Variants in TJP2 observed in about 807,000 individuals in gnomAD.
TJP2 encodes tight junction protein 2, also known as Friedreich ataxia region gene X104 (tight junction protein ZO-2).
Under a neutral mutation model 133.1 loss-of-function variants are expected in TJP2, and 91 were observed. The ratio of observed to expected loss-of-function variants is 0.68; its 90% confidence interval spans 0.58 to 0.81. The LOEUF (loss-of-function observed/expected upper bound fraction) is 0.81, where lower values mean the gene tolerates loss of function less well. TJP2 is among the 40% of genes least tolerant of loss of function. The pLI, the probability that TJP2 is intolerant of heterozygous loss-of-function variation, is 0.00. For missense variants in TJP2, 1,541 were observed against 1,565.6 expected, an observed-to-expected ratio of 0.98 and a Z score of 0.26; for synonymous variants, 592 against 583.4, an observed-to-expected ratio of 1.01 and a Z score of -0.21.
chr9:69,166,814 G>A (rs1824382125), intron 2 of TJP2, among the ~76,000 whole-genome samples: 1 of 152,216 alleles, frequency 6.6e-6, no homozygotes, highest in African/African-American at 2.4e-5. Flanking sequence ...GCATGGGCCT[G>A]TAGTCCCAGC....
intron 11 of TJP2, among the ~76,000 whole-genome samples, chr9:69,232,788 A>AG (rs1829885231): frequency 6.6e-6 from 1 of 152,250 alleles, no homozygotes; most frequent in African/African-American, 2.4e-5. Context: ...GATGGAAAAG[A>AG]GAAAAAAGAC....
chr9:69,227,235 G>A (rs1829421057), intron 7 of TJP2, among the ~76,000 whole-genome samples: 1 of 152,042 alleles, frequency 6.6e-6, no homozygotes. Flanking sequence ...GAAAACAAAA[G>A]GAGCATGAGA....
At chr9:69,241,019 T>C (rs762711168) in intron 17 of TJP2, among the ~76,000 whole-genome samples, 2 of 152,200 alleles carry the variant, frequency 1.3e-5, no homozygotes, top group African/African-American at 2.4e-5. Flanking sequence ...TAGATGGGAT[T>C]ATAGACAGGA....
At chr9:69,138,160 G>T (rs150596760) in intron 1 of TJP2, among the ~76,000 whole-genome samples, 3 of 152,046 alleles carry the variant, frequency 2.0e-5, no homozygotes, top group Admixed American at 2.0e-4. Context: ...CCAACGTTCC[G>T]CCCGTTCCAT....
chr9:69,134,581 G>C (rs1240001311), intron 1 of TJP2, among the ~76,000 whole-genome samples: 1 of 152,150 alleles, frequency 6.6e-6, no homozygotes, highest in East Asian at 1.9e-4. Context: ...ATTGCAGCAA[G>C]ATCTAAGTGT....
At chr9:69,154,888 A>C (rs963594840) in intron 2 of TJP2, among the ~76,000 whole-genome samples, 3 of 152,144 alleles carry the variant, frequency 2.0e-5, no homozygotes, top group Non-Finnish European at 2.9e-5. Flanking sequence ...GATACCTTAA[A>C]GTTATCACTG....
intron 1 of TJP2, among the ~76,000 whole-genome samples, chr9:69,192,608 C>T (rs1826278571): frequency 6.6e-6 from 1 of 152,196 alleles, no homozygotes; most frequent in African/African-American, 2.4e-5. Context: ...ATAAACATTT[C>T]TTGATAGTGC....
chr9:69,203,414 G>T (rs1415816084), intron 1 of TJP2, among the ~76,000 whole-genome samples: 4 of 151,878 alleles, frequency 2.6e-5, no homozygotes, highest in Non-Finnish European at 4.4e-5. Flanking sequence ...TGATTCTCCT[G>T]CCTCAGTCTC....
chr9:69,137,269 C>T (rs9695840), intron 1 of TJP2, among the ~76,000 whole-genome samples: 4 of 84,550 alleles, frequency 4.7e-5, no homozygotes, highest in Non-Finnish European at 6.5e-5. Flanking sequence ...TTCTTTCTTT[C>T]TTTTTCTTTC....
Position 69,225,321 on chromosome 9 carries a change from G to T in TJP2, c.970G>T (p.Gly324Trp). The change falls in exon 6 of 23, where the codon GGG becomes TGG. Residue 324 changes from glycine (G) to tryptophan (W), a missense_variant. Gly to Trp is a radical substitution (Grantham distance 184). Coordinates refer to ENST00000377245, the MANE Select transcript of TJP2 (RefSeq NM_004817.4). ...RANEEYGLRL[G>W]SQIFVKEMTR... ...TCTCCTAGAGTATGGTCTCCGGCTT[G>T]GGAGTCAGATCTTCGTAAAGGAAAT... The T allele has an allele frequency of 6.2e-7, 1 of 1,613,122 alleles. No individual in the cohort carries two copies. The highest frequency in any genetic ancestry group is 8.5e-7 in the Non-Finnish European group (1 of 1,179,202).
chr9:69,240,247 T>G, intron 17 of TJP2, 100 bp downstream of exon 17: 1 of 1,214,128 alleles, frequency 8.2e-7, no homozygotes, highest in Admixed American at 2.0e-5. Context: ...GAATTTGAAA[T>G]TGTGTTCATG....
chr9:69,235,467 C>T lies in TJP2; in HGVS notation c.1781-561C>T, dbSNP rs1006336070. Among the ~76,000 whole-genome samples the T allele has an allele frequency of 6.6e-5, 10 of 151,880 alleles. No individual in the cohort carries two copies. In the East Asian group the frequency reaches 1.3e-3, roughly 20 times the overall value. On this transcript the variant is annotated intron_variant, in intron 12 of 22. Transcript: ENST00000377245. ...CCTCCCGAGTAGCTGGGACTACAGG[C>T]GCCCACCACCACGCCCGGCTAATTT...
rs1165497780 is a variant in TJP2, at chr9:69,163,020, ATTTTATTTTATTTT to A, written c.-10+11254_-10+11267del. Among the ~76,000 whole-genome samples, 2 of 86,014 alleles carry A rather than the reference ATTTTATTTTATTTT, an allele frequency of 2.3e-5. 1 individual carries two copies. The highest frequency in any genetic ancestry group is 4.8e-5 in the Non-Finnish European group (2 of 41,878). The allele number at this position is 86,014 out of a possible 152,430, so 56.4% of individuals were successfully genotyped here. A position where few individuals can be genotyped will look rare whatever the true frequency, so the allele number is the denominator to read the frequency against. The stretch of plus-strand genomic sequence containing the variant: ...TAATTATTTTTTAAAAAGTATCTTT[ATTTTATTTTATTTT>A]TTTTTTTTTGAGACGGAGTCTCGCT... On this transcript the variant is annotated intron_variant, in intron 2 of 5. Transcript: ENST00000423935.
At chr9:69,202,776 G>C (rs1588043791) in intron 1 of TJP2, among the ~76,000 whole-genome samples, 3 of 152,162 alleles carry the variant, frequency 2.0e-5, no homozygotes, top group Non-Finnish European at 4.4e-5. Flanking sequence ...AGGAGGTGAA[G>C]GGGAGGCAGG....
Position 69,145,277 on chromosome 9 carries a change from T to C in TJP2, c.-130-6374T>C, listed in dbSNP as rs140231270. Among the ~76,000 whole-genome samples, 761 of 152,268 alleles carry C rather than the reference T, an allele frequency of 5.0e-3. 8 individuals carry two copies. Among genetic ancestry groups the C allele is most frequent in the African/African-American group, 0.017 (694 of 41,550 alleles). ...GATATTTGTAGAAAGAGCAAATCTG[T>C]TTCTGATTTTAGTTCATCCAGTGGC... On this transcript the variant is annotated intron_variant, in intron 1 of 5. Transcript: ENST00000423935.
chr9:69,234,593 G>T lies in TJP2; in HGVS notation c.1780+46G>T, dbSNP rs200384715. 95 of 1,048,770 alleles carry T rather than the reference G, an allele frequency of 9.1e-5. No homozygotes were observed. In the Admixed American group the frequency reaches 1.1e-3, roughly 12 times the overall value. The allele number at this position is 1,048,770 out of a possible 1,614,324, so 65.0% of individuals were successfully genotyped here. On this transcript the variant is annotated intron_variant, in intron 12 of 22. Coordinates refer to ENST00000377245, the MANE Select transcript of TJP2 (RefSeq NM_004817.4). ...AGTTTAGTTGGGGTGGGGGTGGGGA[G>T]TGGGAAGGATGAGAGAGGTGTCTTG...
intron 22 of TJP2, chr9:69,253,370 T>C (rs77744982): frequency 0.042 from 6,838 of 163,346 alleles, 173 homozygotes; most frequent in Middle Eastern, 0.08. Context: ...AGTAGGAATG[T>C]TCACAGTGTC....
intron 4 of TJP2, 72 bp downstream of exon 4, chr9:69,218,431 T>A: frequency 9.0e-7 from 1 of 1,114,736 alleles, no homozygotes; most frequent in Non-Finnish European, 1.4e-6. Flanking sequence ...AATTACCCCT[T>A]GCTTTTAAGC....
chr9:69,145,625 G>A (rs1823181015), intron 1 of TJP2: 2 of 863,024 alleles, frequency 2.3e-6, no homozygotes, highest in Non-Finnish European at 1.5e-6. Flanking sequence ...AGGAACAGCA[G>A]CTTCCATTAA....
Sources: gnomAD v4.1 joint callset for allele counts (sites outside exome capture counted in the v4.1 genomes callset) on GRCh38, gnomAD v4.1.1 for gene constraint, MANE v1.5 for transcripts, NCBI Gene and HGNC (gene_info 2026-07-23, HGNC 2026-07-21) for gene names.